KIAA1217: variants seen among roughly 807,000 people sequenced by gnomAD.
KIAA1217 encodes the protein sickle tail protein homolog.
In KIAA1217, 88 loss-of-function variants were observed where a neutral mutation model predicts 163.9. The observed-to-expected ratio is 0.54, with a 90% CI of 0.45 to 0.64. KIAA1217 has a LOEUF of 0.64. Among genes scored for constraint, KIAA1217 ranks in the 30% least tolerant of loss-of-function variants. The pLI is 0.00. For synonymous variants in KIAA1217, 903 were observed against 923.1 expected, an observed-to-expected ratio of 0.98 and a Z score of 0.39; for missense variants, 2,372 against 2,475.0, an observed-to-expected ratio of 0.96 and a Z score of 0.88.
Position 24,543,952 on chromosome 10 carries a change from C to T in KIAA1217, c.4682C>T (p.Ala1561Val), listed in dbSNP as rs143420011. The T allele has an allele frequency of 4.4e-5, 71 of 1,614,000 alleles. No individual in the cohort carries two copies. The highest frequency in any genetic ancestry group is 1.1e-4 in the African/African-American group (8 of 74,976). Residue 1561 changes from alanine to valine, a missense_variant, in exon 19 of 21, where the codon GCG becomes GTG. This residue lies in a region of KIAA1217 where 690 missense variants were observed against 677.5 expected (regional missense o/e 1.02). Transcript: ENST00000376454. ...SPNSECKGED[A>V]TDDQFESPKK... ...AATTCGGAATGCAAGGGTGAGGACG[C>T]GACCGATGACCAGTTTGAAAGCCCC...
At chr10:23,814,321 G>T (rs1476414830) in intron 1 of KIAA1217, among the ~76,000 whole-genome samples, 2 of 152,166 alleles carry the variant, frequency 1.3e-5, no homozygotes, top group East Asian at 1.9e-4. Context: ...TACAATGTGG[G>T]ACACTTAACA....
At chr10:24,210,116 A>T (rs2067881986) in intron 1 of KIAA1217, among the ~76,000 whole-genome samples, 1 of 149,920 alleles carries the variant, frequency 6.7e-6, no homozygotes, top group Non-Finnish European at 1.5e-5. Context: ...AGGGGCCAGT[A>T]CACAACAAAA....
intron 2 of KIAA1217, among the ~76,000 whole-genome samples, chr10:24,290,461 CAA>C (rs769698684): frequency 1.3e-5 from 2 of 151,700 alleles, no homozygotes; most frequent in Admixed American, 6.6e-5. Flanking sequence ...ATTGTATCTG[CAA>C]ACATTACCTG....
intron 2 of KIAA1217, among the ~76,000 whole-genome samples, chr10:24,115,746 C>T (rs985620823): frequency 1.3e-5 from 2 of 152,176 alleles, no homozygotes; most frequent in Admixed American, 6.5e-5. Context: ...TTTTGCATGG[C>T]GCCACCAGGT....
chr10:24,201,167 A>T (rs1003187250), intron 2 of KIAA1217, among the ~76,000 whole-genome samples: 3 of 152,146 alleles, frequency 2.0e-5, no homozygotes, highest in African/African-American at 7.2e-5. Flanking sequence ...GCTACCACGG[A>T]GGATGAGGCA....
intron 11 of KIAA1217, among the ~76,000 whole-genome samples, chr10:24,520,641 AAAAAAAAAAAAT>A (rs1436928896): frequency 1.1e-5 from 1 of 87,076 alleles, no homozygotes; most frequent in African/African-American, 6.0e-5. Context: ...AAAAAAAAAA[AAAAAAAAAAAAT>A]ATATATATAT....
At chr10:24,323,796 T>G (rs931955547) in intron 2 of KIAA1217, among the ~76,000 whole-genome samples, 18 of 36,386 alleles carry the variant, frequency 4.9e-4, no homozygotes, top group African/African-American at 1.3e-3. Flanking sequence ...TTCGTGTGTG[T>G]GTGTGTGTGT....
Position 24,249,242 on chromosome 10 carries a change from T to C in KIAA1217, c.354+29333T>C, listed in dbSNP as rs1206111527. On this transcript the variant is annotated intron_variant, in intron 2 of 20. Coordinates refer to ENST00000376454, the MANE Select transcript of KIAA1217 (RefSeq NM_019590.5). ...GCAAATATTTGCAAAAGGGAACAAATGTAAAATAAACGTCCCCTAATGCAG... is the reference window on the plus strand; with the variant it reads ...GCAAATATTTGCAAAAGGGAACAAACGTAAAATAAACGTCCCCTAATGCAG... Among the ~76,000 whole-genome samples the C allele has an allele frequency of 2.0e-5, 3 of 152,194 alleles. No individual in the cohort carries two copies. The South Asian group carries it at 6.2e-4, about 31-fold the overall frequency.
intron 3 of KIAA1217, among the ~76,000 whole-genome samples, chr10:24,417,063 G>A (rs1219331697): frequency 2.0e-5 from 3 of 152,116 alleles, no homozygotes; most frequent in African/African-American, 7.2e-5. Flanking sequence ...GGATGGATTA[G>A]GTTCCTTTAT....
chr10:24,107,527 T>C (rs919795469), intron 2 of KIAA1217, among the ~76,000 whole-genome samples: 1 of 152,244 alleles, frequency 6.6e-6, no homozygotes. Context: ...CCCTTTTCTC[T>C]GCAATCTCAC....
intron 2 of KIAA1217, among the ~76,000 whole-genome samples, chr10:24,292,563 T>G (rs1332031180): frequency 2.0e-5 from 3 of 152,206 alleles, no homozygotes; most frequent in African/African-American, 7.2e-5. Context: ...AACCATCTCC[T>G]GTTACCCTCT....
At chr10:24,136,325 G>A (rs139129873) in intron 2 of KIAA1217, among the ~76,000 whole-genome samples, 1 of 152,032 alleles carries the variant, frequency 6.6e-6, no homozygotes, top group African/African-American at 2.4e-5. Flanking sequence ...CAGAAGTCTC[G>A]ATTTCTAAAG....
At position 24,099,010 on chromosome 10, in the gene KIAA1217, T is replaced by C. The variant is rs2062280515; in HGVS notation, c.-171+91636T>C. Among the ~76,000 whole-genome samples the C allele has an allele frequency of 2.0e-5, 3 of 151,920 alleles. No individual in the cohort carries two copies. In the South Asian group the frequency reaches 6.2e-4, roughly 32 times the overall value. On this transcript the variant is annotated intron_variant, in intron 2 of 18. Transcript: ENST00000376462. ...CCAGACTGCACCCACTTCAGTCCAC[T>C]CACTAAACCACTGTAGAAAAAACAA...
chr10:24,152,227 A>AT (rs561080927), intron 2 of KIAA1217, among the ~76,000 whole-genome samples: 2 of 152,106 alleles, frequency 1.3e-5, no homozygotes, highest in South Asian at 4.1e-4. Context: ...ATTTTTATGT[A>AT]TTTTAAACTC....
At chr10:24,533,010 C>T (rs1453104028) in intron 15 of KIAA1217, 60 bp from the exon 16 acceptor site, 4 of 1,497,424 alleles carry the variant, frequency 2.7e-6, no homozygotes, top group Non-Finnish European at 3.6e-6. Flanking sequence ...ACGATCTGTC[C>T]CTTTTTTGCT....
chr10:23,799,835 T>TTAAAATTTAAATA (rs763709461), intron 1 of KIAA1217, among the ~76,000 whole-genome samples: 25 of 152,142 alleles, frequency 1.6e-4, no homozygotes, highest in South Asian at 4.1e-4. Context: ...AATGTCAGAT[T>TTAAAATTTAAATA]TAAAATATAA....
At chr10:24,327,476 T>A (rs2045072033) in intron 2 of KIAA1217, among the ~76,000 whole-genome samples, 1 of 152,128 alleles carries the variant, frequency 6.6e-6, no homozygotes, top group East Asian at 1.9e-4. Flanking sequence ...TCAATACTCT[T>A]TGACATATGT....
At chr10:23,811,845 A>G (rs923510992) in intron 1 of KIAA1217, among the ~76,000 whole-genome samples, 5 of 152,156 alleles carry the variant, frequency 3.3e-5, no homozygotes, top group Admixed American at 1.3e-4. Flanking sequence ...ATGCTGTGCC[A>G]TATGCTTTCT....
intron 2 of KIAA1217, among the ~76,000 whole-genome samples, chr10:24,154,236 C>G (rs1396503940): frequency 6.6e-6 from 1 of 151,912 alleles, no homozygotes; most frequent in Non-Finnish European, 1.5e-5. Context: ...GGATTACAGG[C>G]GTGAGCCACC....
Sources: allele counts gnomAD v4.1 joint callset (sites outside exome capture counted in the v4.1 genomes callset), GRCh38; gene constraint gnomAD v4.1.1; regional missense constraint gnomAD v4.1.1; transcripts MANE v1.5; gene names NCBI Gene and HGNC (gene_info 2026-07-23, HGNC 2026-07-21).